The following PCP4 variants were observed in gnomAD, a reference collection of about 807,000 sequenced individuals.
The protein encoded by PCP4 is Purkinje cell protein 4.
PCP4 carries 8 observed loss-of-function variants against 10.0 expected under a neutral mutation model. The observed-to-expected ratio is 0.80, with a 90% CI of 0.47 to 1.45. The LOEUF (loss-of-function observed/expected upper bound fraction) is 1.45. PCP4 is among the 40% of genes most tolerant of loss of function. PCP4 has a pLI of 0.00. For missense variants in PCP4, 54 were observed against 74.4 expected, an observed-to-expected ratio of 0.73 and a Z score of 1.01; for synonymous variants, 21 against 23.0, an observed-to-expected ratio of 0.91 and a Z score of 0.24.
chr21:39,898,266 G>A (rs549531356), intron 1 of PCP4: 4 of 609,820 alleles, frequency 6.6e-6, no homozygotes, highest in East Asian at 5.8e-5. Context: ...AGCAGTGGAT[G>A]TGGATGAGGG....
intron 1 of PCP4, among the ~76,000 whole-genome samples, chr21:39,892,495 C>T (rs776860267): frequency 2.0e-5 from 3 of 151,872 alleles, no homozygotes; most frequent in Non-Finnish European, 4.4e-5. Flanking sequence ...TCCTCAGACA[C>T]AGTTCACACA....
At chr21:39,893,886 G>A (rs1016135847) in intron 1 of PCP4, among the ~76,000 whole-genome samples, 8 of 152,186 alleles carry the variant, frequency 5.3e-5, no homozygotes, top group African/African-American at 1.9e-4. Flanking sequence ...GAGGGCCAGT[G>A]TCTCTGATGA....
intron 2 of PCP4, among the ~76,000 whole-genome samples, chr21:39,911,572 T>A (rs983320129): frequency 2.6e-5 from 4 of 152,232 alleles, no homozygotes; most frequent in Non-Finnish European, 4.4e-5. Flanking sequence ...AGAAACTTTA[T>A]AACCTTTTCA....
At chr21:39,926,272 A>G (rs79882024) in intron 2 of PCP4, 7,474 of 268,100 alleles carry the variant, frequency 0.028, 153 homozygotes, top group Non-Finnish European at 0.039. Flanking sequence ...ATATCAGTTT[A>G]AGATATAAGT....
intron 1 of PCP4, chr21:39,883,462 T>C (rs1236424810): frequency 6.6e-6 from 1 of 152,186 alleles, no homozygotes; most frequent in Non-Finnish European, 1.5e-5. Flanking sequence ...GAAAAAAATA[T>C]GAGCTGTGAT....
chr21:39,896,537 G>T (rs1195828044), intron 1 of PCP4, among the ~76,000 whole-genome samples: 1 of 152,174 alleles, frequency 6.6e-6, no homozygotes, highest in Non-Finnish European at 1.5e-5. Flanking sequence ...TTAAGAAATG[G>T]TTTACCTGAT....
intron 2 of PCP4, among the ~76,000 whole-genome samples, chr21:39,912,316 T>TG (rs983466342): frequency 2.3e-5 from 3 of 129,972 alleles, no homozygotes; most frequent in South Asian, 2.7e-4. Flanking sequence ...TGAAAGGTTT[T>TG]TTTTTTTTTT....
chr21:39,928,839 C>T, intron 2 of PCP4, 145 bp from the exon 3 acceptor site: 3 of 674,918 alleles, frequency 4.4e-6, no homozygotes, highest in Non-Finnish European at 7.5e-6. Context: ...TTTTACTTTG[C>T]AGATGAGCTC....
At chr21:39,886,045 A>T (rs2087399268) in intron 1 of PCP4, among the ~76,000 whole-genome samples, 1 of 152,142 alleles carries the variant, frequency 6.6e-6, no homozygotes, top group Non-Finnish European at 1.5e-5. Context: ...TCTGTGTTCA[A>T]ATTGTCCCTT....
In PCP4 at chr21:39,929,313, C is replaced by G. The variant is rs2146354922; in HGVS notation, c.*202C>G. Reference sequence around the variant, plus strand: ...ACAATGGAATTGTGAGTAGCTTAATCTCTATGTTTCTCTCCATTTTCATTC... The same window carrying G: ...ACAATGGAATTGTGAGTAGCTTAATGTCTATGTTTCTCTCCATTTTCATTC... On this transcript the variant is annotated 3_prime_UTR_variant, in exon 3 of 3. Transcript: ENST00000328619. 1 of 391,844 alleles carries G rather than the reference C, an allele frequency of 2.6e-6. No homozygotes were observed. Among genetic ancestry groups the G allele is most frequent in the South Asian group, 1.0e-4 (1 of 10,044 alleles). The allele number at this position is 391,844 out of a possible 1,614,324, so 24.3% of individuals were successfully genotyped here.
At position 39,911,744 on chromosome 21, in the gene PCP4, A is replaced by G. The variant is rs542226322; in HGVS notation, c.61+13217A>G. Among the ~76,000 whole-genome samples, 3 of 152,284 alleles carry G rather than the reference A, an allele frequency of 2.0e-5. No individual in the cohort carries two copies. The East Asian group carries it at 5.8e-4, about 29-fold the overall frequency. ...CTTGTCTTTTCTATAAATCCAGCCTATTGTCACCTTAAATGATGGCTGTGT... is the reference window on the plus strand; with the variant it reads ...CTTGTCTTTTCTATAAATCCAGCCTGTTGTCACCTTAAATGATGGCTGTGT... On this transcript the variant is annotated intron_variant, in intron 2 of 2. Transcript: ENST00000328619.
chr21:39,887,356 GTTT>G (rs369313605), intron 1 of PCP4, among the ~76,000 whole-genome samples: 9 of 144,298 alleles, frequency 6.2e-5, no homozygotes, highest in Admixed American at 1.4e-4. Context: ...TTGTTTTTTG[GTTT>G]TTTTTTTTTT....
chr21:39,908,424 C>T (rs1186314759), intron 2 of PCP4, among the ~76,000 whole-genome samples: 2 of 152,142 alleles, frequency 1.3e-5, no homozygotes, highest in African/African-American at 4.8e-5. Context: ...CACACCTCCA[C>T]CCAGTCTGAA....
chr21:39,923,298 C>T (rs1011332857), intron 2 of PCP4, among the ~76,000 whole-genome samples: 1 of 152,200 alleles, frequency 6.6e-6, no homozygotes, highest in Non-Finnish European at 1.5e-5. Context: ...GGTCAGGCAG[C>T]CTTGATGGGC....
At chr21:39,921,072 A>G (rs1018665914) in intron 2 of PCP4, among the ~76,000 whole-genome samples, 2 of 152,220 alleles carry the variant, frequency 1.3e-5, no homozygotes, top group South Asian at 4.1e-4. Flanking sequence ...GCTCTCTCCC[A>G]GCCCCCAGGA....
intron 1 of PCP4, among the ~76,000 whole-genome samples, chr21:39,871,129 A>C (rs2087317717): frequency 6.6e-6 from 1 of 152,242 alleles, no homozygotes; most frequent in Non-Finnish European, 1.5e-5. Context: ...TGCAAACGGG[A>C]GGCTACATGC....
chr21:39,920,649 A>G (rs1353227517), intron 2 of PCP4, among the ~76,000 whole-genome samples: 5 of 152,116 alleles, frequency 3.3e-5, no homozygotes, highest in African/African-American at 1.2e-4. Flanking sequence ...TATATTTTTG[A>G]ATTGTGCTGT....
intron 1 of PCP4, among the ~76,000 whole-genome samples, chr21:39,889,679 G>A (rs1403038714): frequency 6.6e-6 from 1 of 152,156 alleles, no homozygotes; most frequent in Non-Finnish European, 1.5e-5. Flanking sequence ...GCCTCCCAAA[G>A]TGCTGGGATT....
chr21:39,909,685 G>A (rs1272425659), intron 2 of PCP4, among the ~76,000 whole-genome samples: 5 of 152,086 alleles, frequency 3.3e-5, no homozygotes, highest in Admixed American at 2.0e-4. Context: ...CCATCACAAC[G>A]TTTATGAAAA....
Sources: gnomAD v4.1 joint callset for allele counts (sites outside exome capture counted in the v4.1 genomes callset) on GRCh38, gnomAD v4.1.1 for gene constraint, MANE v1.5 for transcripts, NCBI Gene and HGNC (gene_info 2026-07-23, HGNC 2026-07-21) for gene names.